The following TOM1L2 variants were observed in gnomAD, a reference collection of about 807,000 sequenced individuals.
TOM1L2 encodes the protein target of myb1 like 2 membrane trafficking protein, also known as TOM1-like protein 2.
Under a neutral mutation model 67.9 loss-of-function variants are expected in TOM1L2, and 31 were observed. That is an observed-to-expected ratio of 0.46 (90% confidence interval 0.34 to 0.62). The LOEUF is 0.62. Among genes scored for constraint, TOM1L2 ranks in the 20% least tolerant of loss-of-function variants. TOM1L2 has a pLI of 0.01. For missense variants in TOM1L2, 606 were observed against 663.5 expected (o/e 0.91, Z 0.95); for synonymous variants, 256 against 254.0 (o/e 1.01, Z -0.07).
intron 2 of TOM1L2, among the ~76,000 whole-genome samples, chr17:17,904,774 T>C (rs2039013871): frequency 6.6e-6 from 1 of 152,128 alleles, no homozygotes; most frequent in Non-Finnish European, 1.5e-5. Flanking sequence ...AGACAGCTTG[T>C]ATCCCTTGAC....
intron 1 of TOM1L2, among the ~76,000 whole-genome samples, chr17:17,913,065 C>T (rs1201793832): frequency 6.6e-6 from 1 of 151,710 alleles, no homozygotes; most frequent in African/African-American, 2.4e-5. Context: ...CGGGTGCCTG[C>T]AATCGCAGGC....
chr17:17,904,009 A>T (rs1424892686), intron 2 of TOM1L2, among the ~76,000 whole-genome samples: 4 of 151,928 alleles, frequency 2.6e-5, no homozygotes, highest in South Asian at 2.1e-4. Flanking sequence ...TATTATTATT[A>T]TTTTTAAGAT....
chr17:17,949,902 G>T (rs1482901597), intron 1 of TOM1L2, among the ~76,000 whole-genome samples: 6 of 151,724 alleles, frequency 4.0e-5, no homozygotes, highest in African/African-American at 1.5e-4. Context: ...ACAGAGTCTT[G>T]CTCTGTCACC....
At chr17:17,885,009 T>C (rs1224735892) in intron 4 of TOM1L2, among the ~76,000 whole-genome samples, 3 of 152,262 alleles carry the variant, frequency 2.0e-5, no homozygotes, top group African/African-American at 7.2e-5. Flanking sequence ...TAATTTAGCA[T>C]GTATTTCCTT....
chr17:17,864,257 C>A (rs149795232), intron 10 of TOM1L2, among the ~76,000 whole-genome samples: 299 of 149,534 alleles, frequency 2.0e-3, no homozygotes, highest in Non-Finnish European at 3.4e-3. Context: ...GTCACCCAGG[C>A]TGGAGTGTAG....
Position 17,877,743 on chromosome 17 carries a change from C to G in TOM1L2, c.777+1884G>C, listed in dbSNP as rs112567218. Among the ~76,000 whole-genome samples, 1,265 of 152,110 alleles carry G rather than the reference C, an allele frequency of 8.3e-3. 19 individuals are homozygous for G. Among genetic ancestry groups the G allele is most frequent in the African/African-American group, 0.029 (1,219 of 41,508 alleles). ...CTTTTCTATTTGATTTATAAGATAG[C>G]AGTGAGGGCTGGGAGGCTTGGAGTT... On this transcript the variant is annotated intron_variant, in intron 7 of 14. Coordinates refer to ENST00000379504, the MANE Select transcript of TOM1L2 (RefSeq NM_001082968.2).
chr17:17,879,850 G>A (rs2037625665), intron 6 of TOM1L2, 107 bp from the exon 7 acceptor site: 1 of 978,286 alleles, frequency 1.0e-6, no homozygotes, highest in South Asian at 1.4e-5. Context: ...CTTCTCACTG[G>A]GAGATCTGGG....
In TOM1L2 at chr17:17,847,649, G is replaced by A. The variant is rs2035718540; in HGVS notation, c.1510C>T (p.Leu504Phe). Residue 504 changes from leucine to phenylalanine, a missense_variant, in exon 15 of 15, where the codon CTC (leucine) becomes TTC (phenylalanine). This residue lies in a region of TOM1L2 where 543 missense variants were observed against 554.0 expected (regional missense o/e 0.98). Coordinates refer to ENST00000379504, the MANE Select transcript of TOM1L2 (RefSeq NM_001082968.2). The stretch of plus-strand genomic sequence containing the variant: ...CACAGAGCTGCTCACAGGGCGAAGA[G>A]GGCATCCTCTGACCGCTCTGGCTTC... ...RKKPERSEDALFAL is the reference protein window; with the variant it reads ...RKKPERSEDAFFAL The A allele has an allele frequency of 4.3e-6, 7 of 1,612,468 alleles. No homozygotes were observed. Among genetic ancestry groups the A allele is most frequent in the South Asian group, 1.1e-5 (1 of 90,966 alleles).
Position 17,945,284 on chromosome 17 carries a change from A to T in TOM1L2, c.52+26978T>A, listed in dbSNP as rs571951758. 1.6e-4 allele frequency among the ~76,000 whole-genome samples: 24 copies of T among 151,346 alleles called. No homozygotes were observed. The South Asian group carries it at 2.1e-3, about 13-fold the overall frequency. On this transcript the variant is annotated intron_variant, in intron 1 of 14. Transcript: ENST00000379504. ...CACACACATACACACACACACACAC[A>T]CACACACTCTCTCTCTCTCTCTCTC...
chr17:17,944,622 G>A (rs6502624), intron 1 of TOM1L2, among the ~76,000 whole-genome samples: 73,963 of 152,054 alleles, frequency 0.49, 19,042 homozygotes, highest in East Asian at 0.86. Flanking sequence ...AAAGCACCAG[G>A]CACCTGCTTC....
intron 7 of TOM1L2, among the ~76,000 whole-genome samples, chr17:17,876,055 G>T (rs1041946741): frequency 3.9e-5 from 6 of 152,276 alleles, no homozygotes; most frequent in African/African-American, 1.4e-4. Context: ...ATATATTTTT[G>T]GCATCATTGT....
intron 1 of TOM1L2, among the ~76,000 whole-genome samples, chr17:17,962,148 G>A (rs937594247): frequency 6.6e-6 from 1 of 152,066 alleles, no homozygotes; most frequent in Admixed American, 6.6e-5. Context: ...ATTTATATGA[G>A]GTTTCATAAT....
chr17:17,905,380 G>C (rs1198302618), intron 2 of TOM1L2, among the ~76,000 whole-genome samples: 1 of 152,186 alleles, frequency 6.6e-6, no homozygotes, highest in Non-Finnish European at 1.5e-5. Flanking sequence ...TCCCATGGTT[G>C]TTCAGGCCCC....
At chr17:17,856,839 A>G (rs938254752) in intron 12 of TOM1L2, among the ~76,000 whole-genome samples, 1 of 152,236 alleles carries the variant, frequency 6.6e-6, no homozygotes, top group African/African-American at 2.4e-5. Context: ...CAGACAAGGC[A>G]GGAGAGACCC....
At chr17:17,872,800 G>GA (rs2143897411) in intron 7 of TOM1L2, among the ~76,000 whole-genome samples, 1 of 152,350 alleles carries the variant, frequency 6.6e-6, no homozygotes, top group South Asian at 2.1e-4. Flanking sequence ...CCCATTACAA[G>GA]AAAGTGTGGC....
chr17:17,926,996 T>C lies in TOM1L2; in HGVS notation c.53-19465A>G, dbSNP rs569024629. On this transcript the variant is annotated intron_variant, in intron 1 of 14. Coordinates refer to ENST00000379504, the MANE Select transcript of TOM1L2 (RefSeq NM_001082968.2). ...ATCACACACAGGTTGTGTAACTTAT[T>C]AATGACAATGTGACTTTAAACAGTA... Among the ~76,000 whole-genome samples, 109 of 152,376 alleles carry C rather than the reference T, an allele frequency of 7.2e-4. 1 individual carries two copies. The highest frequency in any genetic ancestry group is 7.1e-3 in the Admixed American group (109 of 15,310).
At chr17:17,887,921 G>A (rs1163416248) in intron 4 of TOM1L2, among the ~76,000 whole-genome samples, 1 of 152,206 alleles carries the variant, frequency 6.6e-6, no homozygotes, top group Non-Finnish European at 1.5e-5. Context: ...GAGGAAAGAT[G>A]GCCACTTAGG....
intron 1 of TOM1L2, among the ~76,000 whole-genome samples, chr17:17,911,738 G>A (rs927052361): frequency 2.7e-5 from 4 of 149,814 alleles, no homozygotes; most frequent in African/African-American, 7.4e-5. Context: ...AATAGTGGAG[G>A]GAAGGTCAGC....
At chr17:17,879,364 C>G (rs887271675) in intron 7 of TOM1L2, among the ~76,000 whole-genome samples, 1 of 152,128 alleles carries the variant, frequency 6.6e-6, no homozygotes, top group Non-Finnish European at 1.5e-5. Context: ...CTTTCTTTTT[C>G]TTTCTGTGAG....
Sources: gnomAD v4.1 joint callset for allele counts (sites outside exome capture counted in the v4.1 genomes callset) on GRCh38, gnomAD v4.1.1 for gene constraint, gnomAD v4.1.1 regional missense constraint, MANE v1.5 for transcripts, NCBI Gene and HGNC (gene_info 2026-07-23, HGNC 2026-07-21) for gene names.